Variants in RAB32 observed in about 807,000 individuals in gnomAD.
The protein encoded by RAB32 is ras-related protein Rab-32.
In RAB32, 17 loss-of-function variants were observed where a neutral mutation model predicts 17.5. The ratio of observed to expected loss-of-function variants is 0.97; its 90% CI spans 0.67 to 1.46. RAB32 has a LOEUF of 1.46. RAB32 is among the 40% of genes most tolerant of loss of function. RAB32 has a pLI of 0.00. For missense variants in RAB32, 288 were observed against 284.3 expected, an observed-to-expected ratio of 1.01 and a Z score of -0.09; for synonymous variants, 115 against 111.1, an observed-to-expected ratio of 1.04 and a Z score of -0.22.
intron 2 of RAB32, among the ~76,000 whole-genome samples, chr6:146,551,411 G>C (rs1465407758): frequency 6.6e-6 from 1 of 152,050 alleles, no homozygotes; most frequent in East Asian, 1.9e-4. Flanking sequence ...TTTTAGTAGA[G>C]ACAGAATTTT....
Position 146,554,618 on chromosome 6 carries a change from G to A in RAB32, c.*13G>A. 1 of 1,605,676 alleles carries A rather than the reference G, an allele frequency of 6.2e-7. No individual in the cohort carries two copies. The highest frequency in any genetic ancestry group is 8.5e-7 in the Non-Finnish European group (1 of 1,176,788). On this transcript the variant is annotated 3_prime_UTR_variant, in exon 3 of 3. Transcript: ENST00000367495. Reference sequence around the variant, plus strand: ...CCAGTGTTGCTGATATATGGCTTCTGCTTCTCTTGTGTGTGCCTCAGCTCT... The same window carrying A: ...CCAGTGTTGCTGATATATGGCTTCTACTTCTCTTGTGTGTGCCTCAGCTCT...
At chr6:146,546,479 C>A (rs1420801358) in intron 1 of RAB32, among the ~76,000 whole-genome samples, 2 of 150,472 alleles carry the variant, frequency 1.3e-5, no homozygotes, top group Non-Finnish European at 3.0e-5. Context: ...AAAAGCAAAA[C>A]AAAACAAAAA....
intron 1 of RAB32, among the ~76,000 whole-genome samples, chr6:146,548,117 T>C (rs1779846324): frequency 6.6e-6 from 1 of 152,190 alleles, no homozygotes; most frequent in African/African-American, 2.4e-5. Flanking sequence ...ATGAACTATA[T>C]AATGGTCAGA....
At chr6:146,553,146 G>A (rs1360633223) in intron 2 of RAB32, among the ~76,000 whole-genome samples, 1 of 152,054 alleles carries the variant, frequency 6.6e-6, no homozygotes, top group African/African-American at 2.4e-5. Context: ...ATACATGTGT[G>A]GAACCTCTTT....
chr6:146,549,892 C>CTGTTGTGG, intron 2 of RAB32, 151 bp downstream of exon 2: 1 of 885,358 alleles, frequency 1.1e-6, no homozygotes, highest in Non-Finnish European at 1.6e-6. Context: ...TCTTTCAGTC[C>CTGTTGTGG]ACAACAGGAC....
At chr6:146,544,329 G>C (rs41285869) in intron 1 of RAB32, among the ~76,000 whole-genome samples, 5,273 of 152,258 alleles carry the variant, frequency 0.035, 156 homozygotes, top group Admixed American at 0.084. Context: ...AGGAGTTGGA[G>C]CAGGTCCTGC....
chr6:146,549,107 C>T (rs1779862466), intron 1 of RAB32, among the ~76,000 whole-genome samples: 1 of 152,204 alleles, frequency 6.6e-6, no homozygotes, highest in Non-Finnish European at 1.5e-5. Context: ...CTTGTCTCTT[C>T]TTCCTCTACT....
At position 146,554,731 on chromosome 6, in the gene RAB32, G is replaced by A. The variant is rs773822297; in HGVS notation, c.*126G>A. 1.1e-4 allele frequency: 112 copies of A among 1,012,546 alleles called. No individual in the cohort carries two copies. In the Admixed American group the frequency reaches 2.0e-3, roughly 18 times the overall value. The allele number at this position is 1,012,546 out of a possible 1,614,324, so 62.7% of individuals were successfully genotyped here. On this transcript the variant is annotated 3_prime_UTR_variant, in exon 3 of 3. Coordinates refer to ENST00000367495, the MANE Select transcript of RAB32 (RefSeq NM_006834.5). Reference sequence around the variant, plus strand: ...ACTTCAAAAGGCAGCACCACTGGGCGCCTGCACTTATTTGAAAATGGAACT... The same window carrying A: ...ACTTCAAAAGGCAGCACCACTGGGCACCTGCACTTATTTGAAAATGGAACT...
At chr6:146,544,196 C>T in intron 1 of RAB32, 75 bp downstream of exon 1, 2 of 1,480,488 alleles carry the variant, frequency 1.4e-6, no homozygotes, top group Non-Finnish European at 1.8e-6. Flanking sequence ...TTTTCTTTTT[C>T]TTTTCTGCCT....
chr6:146,544,086 G>A lies in RAB32; in HGVS notation c.215G>A (p.Arg72Lys), dbSNP rs1178428926. 5 of 1,613,414 alleles carry A rather than the reference G, an allele frequency of 3.1e-6. No homozygotes were observed. In the African/African-American group the frequency reaches 5.3e-5, roughly 17 times the overall value. ...FALKVLNWDS[R>K]TLVRLQLWDI... The stretch of plus-strand genomic sequence containing the variant: ...CTCAAGGTCCTCAACTGGGACAGCA[G>A]GACTCTGGTGCGCCTGCAGCTGTGG... Residue 72 changes from arginine (R) to lysine (K), a missense_variant, in exon 1 of 3, where the codon AGG (arginine) becomes AAG (lysine). Coordinates refer to ENST00000367495, the MANE Select transcript of RAB32 (RefSeq NM_006834.5).
rs74874354 is a variant in RAB32 at position 146,545,572 on chromosome 6, G to A, written c.250+1451G>A. Among the ~76,000 whole-genome samples, 379 of 152,286 alleles carry A rather than the reference G, an allele frequency of 2.5e-3. 1 individual carries two copies. The highest frequency in any genetic ancestry group is 4.4e-3 in the Non-Finnish European group (301 of 68,028). On this transcript the variant is annotated intron_variant, in intron 1 of 2. Coordinates refer to ENST00000367495, the MANE Select transcript of RAB32 (RefSeq NM_006834.5). ...TGTAACCTATAACTCATTCATTTAA[G>A]AGCACATTTCTGTCCCTCAGACAGG...
chr6:146,543,928 C>T lies in RAB32; in HGVS notation c.57C>T (p.Pro19=), dbSNP rs771436382. 5.0e-6 allele frequency: 8 copies of T among 1,606,362 alleles called. No homozygotes were observed. Among genetic ancestry groups the T allele is most frequent in the Non-Finnish European group, 6.8e-6 (8 of 1,177,124 alleles). Residue 19 remains proline (P), a synonymous_variant, in exon 1 of 3, where the codon CCC becomes CCT. Coordinates refer to ENST00000367495, the MANE Select transcript of RAB32 (RefSeq NM_006834.5). ...PGLGAAAAPA[P]ETREHLFKVL... is the part of the protein sequence containing the mutation. ...TGGGGGCGGCCGCCGCCCCAGCGCC[C>T]GAGACCCGCGAGCACCTCTTCAAGG...
intron 2 of RAB32, among the ~76,000 whole-genome samples, chr6:146,551,243 A>G (rs1779894838): frequency 6.6e-6 from 1 of 152,240 alleles, no homozygotes; most frequent in African/African-American, 2.4e-5. Flanking sequence ...AAACATAGTG[A>G]TAGAAGAAAG....
intron 1 of RAB32, among the ~76,000 whole-genome samples, chr6:146,545,906 C>G (rs1373376395): frequency 6.6e-6 from 1 of 152,184 alleles, no homozygotes; most frequent in East Asian, 1.9e-4. Flanking sequence ...GGGTGATTGA[C>G]CTTGCCTTAC....
chr6:146,553,945 A>G (rs999807772), intron 2 of RAB32, among the ~76,000 whole-genome samples: 6 of 152,214 alleles, frequency 3.9e-5, no homozygotes, highest in African/African-American at 1.2e-4. Context: ...CTTAATGGAC[A>G]TTGCACTGAC....
chr6:146,545,706 G>A (rs1047499306), intron 1 of RAB32, among the ~76,000 whole-genome samples: 5 of 152,132 alleles, frequency 3.3e-5, no homozygotes, highest in Admixed American at 2.6e-4. Context: ...CGTTTGAAAA[G>A]TCATCTTTGA....
At chr6:146,550,550 G>A (rs1190325483) in intron 2 of RAB32, among the ~76,000 whole-genome samples, 2 of 151,762 alleles carry the variant, frequency 1.3e-5, no homozygotes, top group African/African-American at 4.8e-5. Flanking sequence ...CTAGCTTCTC[G>A]GGAGGCTAAG....
rs766071079 is a variant in RAB32 at position 146,549,664 on chromosome 6, A to G, written c.451A>G (p.Ser151Gly). The G allele has an allele frequency of 2.5e-6, 4 of 1,614,178 alleles. No individual in the cohort carries two copies. The highest frequency in any genetic ancestry group is 2.7e-5 in the African/African-American group (2 of 75,070). Residue 151 changes from serine (S) to glycine (G), a missense_variant, in exon 2 of 3, where the codon AGT becomes GGT. Coordinates refer to ENST00000367495, the MANE Select transcript of RAB32 (RefSeq NM_006834.5). ...LANKCDQNKDSSQSPSQVDQF... is the reference protein window; with the variant it reads ...LANKCDQNKDGSQSPSQVDQF... ...TAACAAATGTGACCAGAACAAGGAC[A>G]GTAGCCAGAGTCCTTCCCAGGTGGA...
chr6:146,553,261 G>T (rs1381799171), intron 2 of RAB32, among the ~76,000 whole-genome samples: 2 of 152,092 alleles, frequency 1.3e-5, no homozygotes, highest in African/African-American at 2.4e-5. Flanking sequence ...ATTAATTGAT[G>T]ATAACATTAG....
Sources: allele counts gnomAD v4.1 joint callset (sites outside exome capture counted in the v4.1 genomes callset), GRCh38; gene constraint gnomAD v4.1.1; transcripts MANE v1.5; gene names NCBI Gene and HGNC (gene_info 2026-07-23, HGNC 2026-07-21).